The following KLF16 variants were observed in gnomAD, a reference collection of about 807,000 sequenced individuals.
KLF16 encodes the protein KLF transcription factor 16.
KLF16 carries 6 observed loss-of-function variants against 6.1 expected under a neutral mutation model. That is an observed-to-expected ratio of 0.98 (90% confidence interval 0.54 to 1.93). The LOEUF (loss-of-function observed/expected upper bound fraction) is 1.93. KLF16 is among the 30% of genes most tolerant of loss of function. The pLI is 0.01. For missense variants in KLF16, 355 were observed against 363.8 expected (o/e 0.98, Z 0.20); for synonymous variants, 211 against 176.5 (o/e 1.20, Z -1.55).
In KLF16 at chr19:1,857,514, A is replaced by G. The variant is rs2011979281; in HGVS notation, c.458-2754T>C. Among the ~76,000 whole-genome samples the G allele has an allele frequency of 5.9e-5, 9 of 152,298 alleles. No homozygotes were observed. In the South Asian group the frequency reaches 1.9e-3, roughly 32 times the overall value. On this transcript the variant is annotated intron_variant, in intron 1 of 1. Transcript: ENST00000250916. This position sits in a 1 kb window ranked among gnomAD's most constrained non-coding sequence, Gnocchi z 4.7. ...GACAGCCTCGGAAACAGGCAGGCTC[A>G]GAAAAATGGAGTCCAGGAAGTCCTG...
chr19:1,854,179 C>T lies in KLF16; in HGVS notation c.*280G>A. ...GGGTGGTGGAGAGGAGAGGGGAGGA[C>T]CTCCTAGCTGCCCTGGGGGGGCCCC... On this transcript the variant is annotated 3_prime_UTR_variant, in exon 2 of 2. Transcript: ENST00000250916. 1 of 376,238 alleles carries T rather than the reference C, an allele frequency of 2.7e-6. No individual in the cohort carries two copies. Among genetic ancestry groups the T allele is most frequent in the Non-Finnish European group, 4.7e-6 (1 of 213,732 alleles). 23.3% of individuals were successfully genotyped at this position (376,238 alleles called of 1,614,324 possible). A position where few individuals can be genotyped will look rare whatever the true frequency, so the allele number is the denominator to read the frequency against.
At chr19:1,876,502 T>C in the KLF16 span, among the ~76,000 whole-genome samples, 29 of 152,180 alleles carry the variant, frequency 1.9e-4, no homozygotes, top group Non-Finnish European at 1.0e-4. Flanking sequence ...CCCAAGCACC[T>C]GCCACCGCCC....
At chr19:1,870,634 C>T in the KLF16 span, among the ~76,000 whole-genome samples, 1 of 151,870 alleles carries the variant, frequency 6.6e-6, no homozygotes, top group Non-Finnish European at 1.5e-5. Flanking sequence ...ATGATCACAC[C>T]ACTACACTCC....
At position 1,852,565 on chromosome 19, in the gene KLF16, G is replaced by A. The variant is rs1264331225; in HGVS notation, c.*1894C>T. The stretch of plus-strand genomic sequence containing the variant: ...CAGCGACTCCTGGGAGAGTGGAGGG[G>A]TGGGCGCAGGTCTCTCCAAGCCCCT... On this transcript the variant is annotated 3_prime_UTR_variant, in exon 2 of 2. Coordinates refer to ENST00000250916, the MANE Select transcript of KLF16 (RefSeq NM_031918.4). The A allele has an allele frequency of 6.6e-6, 1 of 152,122 alleles. No individual in the cohort carries two copies. Among genetic ancestry groups the A allele is most frequent in the Non-Finnish European group, 1.5e-5 (1 of 68,024 alleles). 9.4% of individuals were successfully genotyped at this position (152,122 alleles called of 1,614,324 possible).
At chr19:1,874,388 G>A in the KLF16 span, among the ~76,000 whole-genome samples, 1 of 151,852 alleles carries the variant, frequency 6.6e-6, no homozygotes, top group Non-Finnish European at 1.5e-5. Context: ...TGCTTTTTTG[G>A]GAAATAAAGT....
chr19:1,873,334 G>T, the KLF16 span, among the ~76,000 whole-genome samples: 1 of 152,144 alleles, frequency 6.6e-6, no homozygotes, highest in South Asian at 2.1e-4. Context: ...CCTGGGCACC[G>T]CCCCAGACCT....
chr19:1,866,905 A>T (rs1327933875), upstream of KLF16, among the ~76,000 whole-genome samples: 1 of 152,074 alleles, frequency 6.6e-6, no homozygotes, highest in Non-Finnish European at 1.5e-5. Flanking sequence ...GGCATCCATA[A>T]CTCAGCCCCT....
chr19:1,873,135 C>A, the KLF16 span, among the ~76,000 whole-genome samples: 2 of 152,212 alleles, frequency 1.3e-5, no homozygotes, highest in African/African-American at 4.8e-5. Flanking sequence ...AGAGGGCCCT[C>A]AGGTCATGCA....
At chr19:1,858,554 G>A (rs978387082) in intron 1 of KLF16, among the ~76,000 whole-genome samples, 8 of 152,148 alleles carry the variant, frequency 5.3e-5, no homozygotes, top group South Asian at 2.1e-4. Flanking sequence ...TATACAGCAG[G>A]TGCTTAATGC....
the KLF16 span, among the ~76,000 whole-genome samples, chr19:1,870,458 G>C: frequency 6.6e-6 from 1 of 151,986 alleles, no homozygotes; most frequent in Non-Finnish European, 1.5e-5. Context: ...AATCGCTTAA[G>C]GCCAGGAGTT....
upstream of KLF16, among the ~76,000 whole-genome samples, chr19:1,864,221 G>T (rs1333295733): frequency 6.6e-6 from 1 of 151,628 alleles, no homozygotes; most frequent in African/African-American, 2.4e-5. Context: ...CGATCCCCAC[G>T]TGGCCGGGGT....
At position 1,863,553 on chromosome 19, in the gene KLF16, C is replaced by T. The variant is rs2012119634; in HGVS notation, c.-56G>A. The T allele has an allele frequency of 2.3e-6, 2 of 879,238 alleles. No individual in the cohort carries two copies. The highest frequency in any genetic ancestry group is 2.7e-6 in the Non-Finnish European group (2 of 735,764). The allele number at this position is 879,238 out of a possible 1,614,324, so 54.5% of individuals were successfully genotyped here. A position where few individuals can be genotyped will look rare whatever the true frequency, so the allele number is the denominator to read the frequency against. ...GAGCGGAGGCGGCGGGAGCGGCGTCCGTCCGGCCGGCGGCGGCTGCTCGAG... is the reference window on the plus strand; with the variant it reads ...GAGCGGAGGCGGCGGGAGCGGCGTCTGTCCGGCCGGCGGCGGCTGCTCGAG... On this transcript the variant is annotated 5_prime_UTR_variant, in exon 1 of 2. Transcript: ENST00000250916.
Position 1,854,580 on chromosome 19 carries a change from T to C in KLF16, c.638A>G (p.His213Arg). The C allele has an allele frequency of 6.3e-7, 1 of 1,587,796 alleles. No individual in the cohort carries two copies. Among genetic ancestry groups the C allele is most frequent in the South Asian group, 1.1e-5 (1 of 89,866 alleles). ...ACCAGGGCGCCGGAGCAGGTCCGGG[T>C]GGAAGCCGGGGTGGCGGCGGGCGTG... ...AKHARRHPGF[H>R]PDLLRRPGAR... Residue 213 changes from histidine to arginine, a missense_variant, in exon 2 of 2, where the codon CAC becomes CGC. Coordinates refer to ENST00000250916, the MANE Select transcript of KLF16 (RefSeq NM_031918.4).
chr19:1,866,064 G>A (rs184410593), upstream of KLF16, among the ~76,000 whole-genome samples: 28 of 152,324 alleles, frequency 1.8e-4, no homozygotes, highest in East Asian at 5.4e-3. Flanking sequence ...AGCACTTTGG[G>A]AGGCCAAGGC....
At chr19:1,856,758 C>A (rs565587124) in intron 1 of KLF16, among the ~76,000 whole-genome samples, 1 of 152,208 alleles carries the variant, frequency 6.6e-6, no homozygotes, top group Non-Finnish European at 1.5e-5. Flanking sequence ...GATTGGGGCT[C>A]GCGCCCCTCC....
chr19:1,854,609 G>A lies in KLF16; in HGVS notation c.609C>T (p.Ala203=), dbSNP rs1199151279. 6.3e-7 allele frequency: 1 copy of A among 1,596,852 alleles called. No homozygotes were observed. The highest frequency in any genetic ancestry group is 1.1e-5 in the South Asian group (1 of 90,794). The change falls in exon 2 of 2, where the codon GCC becomes GCT. Residue 203 remains alanine, a synonymous_variant. Transcript: ENST00000250916. ...AGCCGGGGTGGCGGCGGGCGTGCTT[G>A]GCCAGGTGGTCACTGCGGGTGAAGC... ...SKRFTRSDHL[A]KHARRHPGFH... is the part of the protein sequence containing the mutation.
intron 1 of KLF16, chr19:1,861,749 C>G (rs909914820): frequency 6.6e-6 from 1 of 152,362 alleles, no homozygotes; most frequent in African/African-American, 2.4e-5. Context: ...CCCACCCGCC[C>G]TCCTGCTCTC....
chr19:1,868,467 T>A (rs1298750611), upstream of KLF16, among the ~76,000 whole-genome samples: 2,150 of 13,686 alleles, frequency 0.16, 136 homozygotes, highest in African/African-American at 0.32. Context: ...AGGGCTTTTT[T>A]TTTTTTTTTT....
In KLF16 at chr19:1,852,912, G is replaced by A. The variant is rs1252493190; in HGVS notation, c.*1547C>T. ...CTGGATCCTGCCAGGCCGGGGCTGG[G>A]TCCAGGTGCACACCAGTGCCATCCA... is the stretch of plus-strand genomic sequence containing the variant. On this transcript the variant is annotated 3_prime_UTR_variant, in exon 2 of 2. Transcript: ENST00000250916. 6.6e-6 allele frequency: 1 copy of A among 152,202 alleles called. No individual in the cohort carries two copies. The highest frequency in any genetic ancestry group is 1.5e-5 in the Non-Finnish European group (1 of 68,072). The allele number at this position is 152,202 out of a possible 1,614,324, so 9.4% of individuals were successfully genotyped here.
Sources: gnomAD v4.1 joint callset for allele counts (sites outside exome capture counted in the v4.1 genomes callset) on GRCh38, gnomAD v4.1.1 for gene constraint, Gnocchi (gnomAD v3.1) non-coding constraint, MANE v1.5 for transcripts, NCBI Gene and HGNC (gene_info 2026-07-23, HGNC 2026-07-21) for gene names.